JAKMIP3: variants seen among roughly 807,000 people sequenced by gnomAD.
The protein encoded by JAKMIP3 is janus kinase and microtubule-interacting protein 3.
JAKMIP3 carries 58 observed loss-of-function variants against 118.5 expected under a neutral mutation model. The observed-to-expected ratio is 0.49, with a 90% CI of 0.40 to 0.61. The LOEUF (loss-of-function observed/expected upper bound fraction) is 0.61, where lower values mean the gene tolerates loss of function less well. Ranked by LOEUF, JAKMIP3 falls within the 20% of genes least tolerant of loss-of-function variation. The pLI is 0.00. For missense variants in JAKMIP3, 950 were observed against 1,109.0 expected (o/e 0.86, Z 2.04); for synonymous variants, 486 against 451.2 (o/e 1.08, Z -0.98).
chr10:132,180,740 TGCGTGCGC>T (rs1414831968), intron 23 of JAKMIP3, among the ~76,000 whole-genome samples: 99 of 5,138 alleles, frequency 0.019, 22 homozygotes, highest in East Asian at 0.062. Flanking sequence ...CGTGTGTGCG[TGCGTGCGC>T]GCGCGTGTGT....
chr10:132,126,164 A>G lies in JAKMIP3; in HGVS notation c.634-7148A>G, dbSNP rs565881514. On this transcript the variant is annotated intron_variant, in intron 3 of 23. Transcript: ENST00000684848. Reference sequence around the variant, plus strand: ...CCTGCAGTGTAACTTTGAACAGAGAAGTGTTGAGAGTGACCACCTCCTGTC... The same window carrying G: ...CCTGCAGTGTAACTTTGAACAGAGAGGTGTTGAGAGTGACCACCTCCTGTC... Among the ~76,000 whole-genome samples, 98 of 152,140 alleles carry G rather than the reference A, an allele frequency of 6.4e-4. 1 individual carries two copies. Among genetic ancestry groups the G allele is most frequent in the Non-Finnish European group, 7.3e-4 (50 of 68,030 alleles).
rs575579178 is a variant in JAKMIP3 at position 132,085,828 on chromosome 10, G to A, written c.-137-18844G>A. On this transcript the variant is annotated intron_variant, in intron 1 of 23. Transcript: ENST00000684848. ...TTCTTTTTCAAAGAACCAGCTTTTCGTTTCATTTATCTTTTGTATATATTT... is the reference window on the plus strand; with the variant it reads ...TTCTTTTTCAAAGAACCAGCTTTTCATTTCATTTATCTTTTGTATATATTT... Among the ~76,000 whole-genome samples the A allele has an allele frequency of 1.7e-3, 261 of 152,040 alleles. 1 individual carries two copies. The highest frequency in any genetic ancestry group is 3.3e-3 in the Admixed American group (51 of 15,262).
upstream of JAKMIP3, among the ~76,000 whole-genome samples, chr10:132,061,510 GT>G (rs2038398209): frequency 6.6e-6 from 1 of 152,216 alleles, no homozygotes; most frequent in African/African-American, 2.4e-5. Flanking sequence ...ATTGAAACCA[GT>G]TTTTATTGAG....
intron 5 of JAKMIP3, 65 bp from the exon 6 acceptor site, chr10:132,135,865 T>C (rs2051663298): frequency 1.3e-6 from 2 of 1,537,142 alleles, no homozygotes; most frequent in African/African-American, 2.8e-5. Context: ...GTCAGCCGAC[T>C]CTGCGTGGAG....
chr10:132,167,822 G>GCCCTCGC (rs1343447889), intron 22 of JAKMIP3, 131 bp from the exon 23 acceptor site: 1 of 398,484 alleles, frequency 2.5e-6, no homozygotes, highest in Non-Finnish European at 4.4e-6. Context: ...TCACCCCTCG[G>GCCCTCGC]CCCTCACCCC....
chr10:132,172,220 C>T (rs942976992), intron 23 of JAKMIP3, among the ~76,000 whole-genome samples: 17 of 152,208 alleles, frequency 1.1e-4, no homozygotes, highest in East Asian at 5.8e-4. Flanking sequence ...CCTGTGGTTC[C>T]GTGGAGATAA....
At chr10:132,079,271 G>A (rs1417284237) in intron 1 of JAKMIP3, among the ~76,000 whole-genome samples, 1 of 151,646 alleles carries the variant, frequency 6.6e-6, no homozygotes, top group Non-Finnish European at 1.5e-5. Context: ...CCCCATATTA[G>A]ATGGGTCCAT....
At chr10:132,150,352 A>G (rs75599599) in intron 16 of JAKMIP3, among the ~76,000 whole-genome samples, 2 of 152,298 alleles carry the variant, frequency 1.3e-5, no homozygotes, top group Non-Finnish European at 2.9e-5. Flanking sequence ...CTCTTAGACA[A>G]ACCAAGACCC....
chr10:132,121,155 A>G (rs2048478431), intron 3 of JAKMIP3, among the ~76,000 whole-genome samples: 1 of 152,086 alleles, frequency 6.6e-6, no homozygotes, highest in Admixed American at 6.6e-5. Context: ...GCCCTGCCCC[A>G]AGTGTCAGCA....
chr10:132,122,740 GGCAGGGCTGGGCACA>G (rs2048775754), intron 3 of JAKMIP3, among the ~76,000 whole-genome samples: 1 of 152,198 alleles, frequency 6.6e-6, no homozygotes, highest in Non-Finnish European at 1.5e-5. Context: ...CTGCTGCCAG[GGCAGGGCTGGGCACA>G]GCAGGGCTGC....
Position 132,142,311 on chromosome 10 carries a change from G to A in JAKMIP3, c.1602+263G>A, listed in dbSNP as rs986120177. ...TGTGAGTAAGGGTCCTGGGGGAGGC[G>A]GGGTGGTAGTGGTGGCAGGGGCCCA... is the stretch of plus-strand genomic sequence containing the variant. On this transcript the variant is annotated intron_variant, in intron 11 of 23. Coordinates refer to ENST00000684848, the MANE Select transcript of JAKMIP3 (RefSeq NM_001323087.2). Among the ~76,000 whole-genome samples, 5 of 152,334 alleles carry A rather than the reference G, an allele frequency of 3.3e-5. No individual in the cohort carries two copies. In the South Asian group the frequency reaches 6.2e-4, roughly 19 times the overall value.
rs539976711 is a variant in JAKMIP3, at chr10:132,174,868, G to A, written c.*1103+5835G>A. ...TCTTGCTACTGACTAATGATGTTGA[G>A]CATCTTTTTGTGTGTTGATTTTCCA... is the stretch of plus-strand genomic sequence containing the variant. On this transcript the variant is annotated intron_variant, in intron 23 of 23. Coordinates refer to ENST00000684848, the MANE Select transcript of JAKMIP3 (RefSeq NM_001323087.2). 9.9e-5 allele frequency among the ~76,000 whole-genome samples: 15 copies of A among 152,246 alleles called. No individual in the cohort carries two copies. The East Asian group carries it at 2.3e-3, about 23-fold the overall frequency.
At chr10:132,062,404 G>A (rs549158180), upstream of JAKMIP3, among the ~76,000 whole-genome samples, 4 of 152,316 alleles carry the variant, frequency 2.6e-5, no homozygotes, top group African/African-American at 9.6e-5. Flanking sequence ...GATGCAGACA[G>A]GGGTGCTCGT....
Position 132,104,902 on chromosome 10 carries a change from C to T in JAKMIP3, c.94C>T (p.Leu32Phe). ...GGCCAACGAGGATCTTCGAGCCAAG[C>T]TCACAGACATCCAGATCGAGCTGCA... ...QAANEDLRAK[L>F]TDIQIELQQE... Residue 32 changes from leucine to phenylalanine, a missense_variant, in exon 2 of 24, where the codon CTC becomes TTC. Transcript: ENST00000684848. 3 of 1,587,686 alleles carry T rather than the reference C, an allele frequency of 1.9e-6. No homozygotes were observed. The highest frequency in any genetic ancestry group is 2.6e-6 in the Non-Finnish European group (3 of 1,167,306).
At chr10:132,061,226 T>C (rs9665574), upstream of JAKMIP3, among the ~76,000 whole-genome samples, 105 of 18,446 alleles carry the variant, frequency 5.7e-3, no homozygotes, top group South Asian at 0.027. Flanking sequence ...GGCGCACACA[T>C]ACACCTGCCG....
chr10:132,180,339 T>A (rs2060623821), intron 23 of JAKMIP3, among the ~76,000 whole-genome samples: 1 of 131,688 alleles, frequency 7.6e-6, no homozygotes, highest in Non-Finnish European at 1.5e-5. Context: ...CATGGATGGC[T>A]GCCTCCCACC....
At chr10:132,103,376 G>A (rs191327837) in intron 1 of JAKMIP3, among the ~76,000 whole-genome samples, 31 of 147,462 alleles carry the variant, frequency 2.1e-4, no homozygotes, top group Non-Finnish European at 3.3e-4. Context: ...GGGGGAGAGA[G>A]GAACATCAGA....
intron 1 of JAKMIP3, among the ~76,000 whole-genome samples, chr10:132,043,690 C>G (rs1175262470): frequency 6.6e-6 from 1 of 152,182 alleles, no homozygotes; most frequent in Admixed American, 6.5e-5. Flanking sequence ...GAAATGTTTT[C>G]CACCTGGACA....
At chr10:132,141,290 G>T (rs2053460565) in intron 10 of JAKMIP3, among the ~76,000 whole-genome samples, 1 of 152,152 alleles carries the variant, frequency 6.6e-6, no homozygotes, top group Non-Finnish European at 1.5e-5. Flanking sequence ...GGGGAACTGG[G>T]CCAGGCCAAG....
Sources: allele counts gnomAD v4.1 joint callset (sites outside exome capture counted in the v4.1 genomes callset), GRCh38; gene constraint gnomAD v4.1.1; transcripts MANE v1.5; gene names NCBI Gene and HGNC (gene_info 2026-07-23, HGNC 2026-07-21).